GPHN: variants seen among roughly 807,000 people sequenced by gnomAD.
The protein encoded by GPHN is gephyrin.
Under a neutral mutation model 95.5 loss-of-function variants are expected in GPHN, and 17 were observed. The observed-to-expected ratio is 0.18, with a 90% confidence interval of 0.12 to 0.27. The LOEUF is 0.27. GPHN is among the 10% of genes least tolerant of loss of function. The probability of loss-of-function intolerance (pLI) is 1.00; values close to 1 mark genes in which losing one functional copy is unlikely to be tolerated. For missense variants in GPHN, 660 were observed against 978.1 expected, an observed-to-expected ratio of 0.67 and a Z score of 4.34; for synonymous variants, 320 against 322.5, an observed-to-expected ratio of 0.99 and a Z score of 0.08.
the GPHN span, among the ~76,000 whole-genome samples, chr14:67,505,497 C>G: frequency 6.6e-6 from 1 of 152,130 alleles, no homozygotes; most frequent in Non-Finnish European, 1.5e-5. Context: ...GCCTGCCTTC[C>G]CAGGTTCACT....
chr14:67,390,641 T>C, the GPHN span: 1 of 1,551,784 alleles, frequency 6.4e-7, no homozygotes. Flanking sequence ...GGGACCAACA[T>C]GGAGCCAGCA....
chr14:66,573,195 A>G lies in GPHN; in HGVS notation c.64+64604A>G, dbSNP rs531040933. 3.3e-5 allele frequency among the ~76,000 whole-genome samples: 5 copies of G among 152,312 alleles called. No homozygotes were observed. In the East Asian group the frequency reaches 9.7e-4, roughly 29 times the overall value. On this transcript the variant is annotated intron_variant, in intron 1 of 22. Transcript: ENST00000478722. ...TGCTTTTGGAAGGAATATTCTGTGT[A>G]TATCTGTGAGGTCCAATTTGGTCCA...
the GPHN span, among the ~76,000 whole-genome samples, chr14:67,216,537 C>A: frequency 1.3e-5 from 2 of 152,088 alleles, no homozygotes; most frequent in East Asian, 3.9e-4. Context: ...AGGTATTTAT[C>A]ACTATAAACT....
At chr14:67,725,380 G>C in the GPHN span, 1 of 964,518 alleles carries the variant, frequency 1.0e-6, no homozygotes, top group Non-Finnish European at 1.6e-6. Context: ...TCTGCCACAT[G>C]AACCAGCAGG....
chr14:66,802,951 G>A (rs149526016), intron 3 of GPHN, among the ~76,000 whole-genome samples: 3 of 152,204 alleles, frequency 2.0e-5, no homozygotes, highest in African/African-American at 7.2e-5. Flanking sequence ...CCCTTAGATG[G>A]TGTCTCAGTA....
intron 2 of GPHN, among the ~76,000 whole-genome samples, chr14:66,703,336 A>G (rs186012611): frequency 2.6e-5 from 4 of 152,142 alleles, no homozygotes; most frequent in Admixed American, 2.6e-4. Flanking sequence ...CCAAAGACAC[A>G]TAATCATCAG....
chr14:66,537,001 T>G (rs2059168738), intron 1 of GPHN, among the ~76,000 whole-genome samples: 2 of 152,182 alleles, frequency 1.3e-5, no homozygotes. Flanking sequence ...ATGACCTTCT[T>G]TATCTCTGGT....
At chr14:67,723,598 C>T in the GPHN span, among the ~76,000 whole-genome samples, 1 of 152,204 alleles carries the variant, frequency 6.6e-6, no homozygotes, top group South Asian at 2.1e-4. Context: ...ATTCTAGGTT[C>T]TCCATAGAGA....
At chr14:67,382,843 A>G in the GPHN span, among the ~76,000 whole-genome samples, 1 of 152,112 alleles carries the variant, frequency 6.6e-6, no homozygotes, top group Non-Finnish European at 1.5e-5. Flanking sequence ...AATTGGAGAA[A>G]AAAAAAGTTG....
At chr14:66,555,374 A>C (rs2059967501) in intron 1 of GPHN, among the ~76,000 whole-genome samples, 1 of 152,200 alleles carries the variant, frequency 6.6e-6, no homozygotes, top group Non-Finnish European at 1.5e-5. Flanking sequence ...AATGAAGTGA[A>C]TATTTTGCAG....
the GPHN span, among the ~76,000 whole-genome samples, chr14:67,201,148 G>T: frequency 6.6e-6 from 1 of 152,092 alleles, no homozygotes; most frequent in Non-Finnish European, 1.5e-5. Flanking sequence ...TTAAAAATTA[G>T]CAGGGTGCAG....
At chr14:66,788,516 A>C (rs2059862765) in intron 3 of GPHN, among the ~76,000 whole-genome samples, 2 of 152,254 alleles carry the variant, frequency 1.3e-5, no homozygotes, top group Admixed American at 6.5e-5. Flanking sequence ...TAACATATTT[A>C]TACAAATGCA....
chr14:66,572,941 A>G (rs573253740), intron 1 of GPHN, among the ~76,000 whole-genome samples: 7 of 152,210 alleles, frequency 4.6e-5, no homozygotes, highest in African/African-American at 9.6e-5. Context: ...TTTATAACGC[A>G]TTGTTTTATT....
At chr14:67,644,620 ATTC>A in the GPHN span, among the ~76,000 whole-genome samples, 1 of 152,196 alleles carries the variant, frequency 6.6e-6, no homozygotes, top group Non-Finnish European at 1.5e-5. Context: ...CATCAGGTGT[ATTC>A]TTAGAATTGA....
the GPHN span, among the ~76,000 whole-genome samples, chr14:67,440,732 GT>G: frequency 6.7e-6 from 1 of 148,418 alleles, no homozygotes; most frequent in Non-Finnish European, 1.5e-5. Flanking sequence ...CGACAAAGTG[GT>G]TTTTCCTGTC....
chr14:67,333,609 A>C, the GPHN span: 1 of 152,752 alleles, frequency 6.5e-6, no homozygotes, highest in South Asian at 2.1e-4. Context: ...GACTTTGTGG[A>C]TCAGACTCTA....
At chr14:66,587,876 T>C (rs7152693) in intron 1 of GPHN, among the ~76,000 whole-genome samples, 49,456 of 151,698 alleles carry the variant, frequency 0.33, 11,837 homozygotes, top group African/African-American at 0.65. Context: ...CAGCACAGCA[T>C]TCGAGCTCTG....
chr14:67,727,463 A>G, the GPHN span: 1 of 405,586 alleles, frequency 2.5e-6, no homozygotes, highest in East Asian at 5.5e-5. Flanking sequence ...TTTGCAACAG[A>G]CAGAGGCTTT....
At chr14:67,208,416 T>A in the GPHN span, 2 of 1,613,946 alleles carry the variant, frequency 1.2e-6, no homozygotes, top group Non-Finnish European at 8.5e-7. Flanking sequence ...ATGCCTGATT[T>A]TCAGAGCACA....
Sources: allele counts gnomAD v4.1 joint callset (sites outside exome capture counted in the v4.1 genomes callset), GRCh38; gene constraint gnomAD v4.1.1; transcripts MANE v1.5; gene names NCBI Gene and HGNC (gene_info 2026-07-23, HGNC 2026-07-21).